Variants in PHKA2 observed in about 807,000 individuals in gnomAD.
PHKA2 encodes the protein phosphorylase kinase regulatory subunit alpha 2, also known as phosphorylase b kinase regulatory subunit alpha, liver isoform.
Under a neutral mutation model 102.0 loss-of-function variants are expected in PHKA2, and 31 were observed. That is an observed-to-expected ratio of 0.30 (90% CI 0.23 to 0.41). The LOEUF (loss-of-function observed/expected upper bound fraction) is 0.41. Among genes scored for constraint, PHKA2 ranks in the 10% least tolerant of loss-of-function variants. The probability of loss-of-function intolerance (pLI) is 1.00; values close to 1 mark genes in which losing one functional copy is unlikely to be tolerated. For synonymous variants in PHKA2, 455 were observed against 416.2 expected (o/e 1.09, Z -1.13); for missense variants, 858 against 1,023.1 (o/e 0.84, Z 2.20).
At chrX:18,966,667 G>A (rs2048949639) in intron 1 of PHKA2, among the ~76,000 whole-genome samples, 1 of 112,225 alleles carries the variant, frequency 8.9e-6, no homozygotes, top group Admixed American at 9.4e-5. Context: ...GCAGGGCCCT[G>A]GGTTATCCCA....
intron 5 of PHKA2, among the ~76,000 whole-genome samples, chrX:18,946,436 G>C (rs763582994): frequency 1.8e-5 from 2 of 110,731 alleles, no homozygotes; most frequent in South Asian, 7.7e-4. Flanking sequence ...CTTGTTTCAG[G>C]GTCTAAAATG....
chrX:18,982,227 G>C (rs2093450222), intron 1 of PHKA2, among the ~76,000 whole-genome samples: 1 of 111,591 alleles, frequency 9.0e-6, no homozygotes, highest in African/African-American at 3.3e-5. Flanking sequence ...TCAAAATAAA[G>C]ACCATCATCC....
chrX:18,899,300 G>T, intron 28 of PHKA2, 74 bp from the exon 29 acceptor site: 1 of 879,280 alleles, frequency 1.1e-6, no homozygotes, highest in Non-Finnish European at 1.7e-6. Flanking sequence ...GGGTCATGGA[G>T]CAGCATCCGA....
At chrX:18,973,062 G>C (rs1601803393) in intron 1 of PHKA2, among the ~76,000 whole-genome samples, 1 of 111,016 alleles carries the variant, frequency 9.0e-6, no homozygotes, top group East Asian at 2.8e-4. Context: ...GAGTGCAGTA[G>C]CATGATCTTG....
chrX:18,970,229 CCT>C (rs2049001894), intron 1 of PHKA2, among the ~76,000 whole-genome samples: 1 of 111,667 alleles, frequency 9.0e-6, no homozygotes, highest in Non-Finnish European at 1.9e-5. Context: ...ACAGTGATAC[CCT>C]GTCTCATAAA....
chrX:18,969,518 GT>G (rs765994843), intron 1 of PHKA2, among the ~76,000 whole-genome samples: 6 of 106,955 alleles, frequency 5.6e-5, no homozygotes, highest in South Asian at 8.0e-4. Flanking sequence ...AAATGCAATT[GT>G]TTTTTTTTTC....
chrX:18,914,117 C>T (rs185440999), intron 19 of PHKA2, among the ~76,000 whole-genome samples: 62 of 112,589 alleles, frequency 5.5e-4, no homozygotes, highest in African/African-American at 1.8e-3. Flanking sequence ...TTTACTGATA[C>T]TGGCATCGCC....
chrX:18,897,219 C>A lies in PHKA2; in HGVS notation c.3226G>T (p.Ala1076Ser), dbSNP rs1315160733. 8.3e-7 allele frequency: 1 copy of A among 1,211,078 alleles called. No homozygotes were observed. Among genetic ancestry groups the A allele is most frequent in the Admixed American group, 2.2e-5 (1 of 46,053 alleles). ...AATCCCACGGGGACCCTGTTGATGG[C>A]CCCATCCAGCCTTCTCCTGCGCAGC... Reference protein sequence around the residue: ...QWLRRRRLDGAINRVPVGFYQ... With the variant: ...QWLRRRRLDGSINRVPVGFYQ... Residue 1076 changes from alanine (A) to serine (S), a missense_variant, in exon 30 of 33, where the codon GCC becomes TCC. By Grantham distance (99) the Ala-to-Ser change is moderately conservative. Around this residue, in one of 2 missense-constraint regions of PHKA2, gnomAD observed 671 missense variants for 745.2 expected, o/e 0.90. Transcript: ENST00000379942.
At chrX:18,928,928 T>G (rs1353576272) in intron 13 of PHKA2, among the ~76,000 whole-genome samples, 1 of 112,812 alleles carries the variant, frequency 8.9e-6, no homozygotes, top group Non-Finnish European at 1.9e-5. Flanking sequence ...TTAGGCTCTA[T>G]TTTTCAAAGA....
intron 26 of PHKA2, among the ~76,000 whole-genome samples, chrX:18,904,976 A>T (rs971854405): frequency 4.5e-5 from 5 of 111,861 alleles, no homozygotes; most frequent in African/African-American, 9.7e-5. Flanking sequence ...CGGTTCAGAT[A>T]AAAACAGAGT....
intron 26 of PHKA2, among the ~76,000 whole-genome samples, chrX:18,902,149 TTA>T (rs1219827488): frequency 1.0e-4 from 11 of 108,265 alleles, no homozygotes; most frequent in Non-Finnish European, 1.7e-4. Flanking sequence ...CCATGTTTTT[TTA>T]TTTTTTTTGA....
intron 15 of PHKA2, among the ~76,000 whole-genome samples, chrX:18,925,345 G>A (rs1752539474): frequency 1.8e-5 from 2 of 112,521 alleles, no homozygotes; most frequent in African/African-American, 6.5e-5. Flanking sequence ...TTACACAGAG[G>A]GTCTGATGAC....
chrX:18,975,554 C>T (rs2049077101), intron 1 of PHKA2, among the ~76,000 whole-genome samples: 1 of 112,376 alleles, frequency 8.9e-6, no homozygotes, highest in African/African-American at 3.2e-5. Context: ...AAAACTCTAT[C>T]TTCCACCCTA....
chrX:18,925,826 C>G, intron 14 of PHKA2, 49 bp from the exon 15 acceptor site: 1 of 864,004 alleles, frequency 1.2e-6, no homozygotes, highest in Middle Eastern at 3.5e-4. Flanking sequence ...ATACGGTTAA[C>G]AAGTAATCCA....
At chrX:18,940,416 A>G (rs2048472744) in intron 8 of PHKA2, among the ~76,000 whole-genome samples, 1 of 111,902 alleles carries the variant, frequency 8.9e-6, no homozygotes, top group African/African-American at 3.2e-5. Context: ...CCTACTTGCA[A>G]GATTGGAAAG....
chrX:18,934,331 A>G (rs1159336716), intron 11 of PHKA2, among the ~76,000 whole-genome samples: 3 of 112,163 alleles, frequency 2.7e-5, no homozygotes, highest in Non-Finnish European at 5.6e-5. Flanking sequence ...GTTCCTCTCC[A>G]AAGTCTGGCC....
At position 18,898,078 on chromosome X, in the gene PHKA2, T is replaced by C. The variant is rs147221978; in HGVS notation, c.3112-745A>G. ...GACAAACAGTGAAGCCCGCGTTTAG[T>C]GGCGAGGACCTCGCAGATCAGGGTC... On this transcript the variant is annotated intron_variant, in intron 29 of 32. Coordinates refer to ENST00000379942, the MANE Select transcript of PHKA2 (RefSeq NM_000292.3). 780 of 112,924 alleles carry C rather than the reference T, an allele frequency of 6.9e-3. 1 individual carries two copies. Among genetic ancestry groups the C allele is most frequent in the South Asian group, 0.018 (48 of 2,701 alleles). The allele number at this position is 112,924 out of a possible 1,213,427, so 9.3% of individuals were successfully genotyped here. A position where few individuals can be genotyped will look rare whatever the true frequency, so the allele number is the denominator to read the frequency against.
intron 17 of PHKA2, among the ~76,000 whole-genome samples, chrX:18,922,958 A>G (rs2048148153): frequency 9.1e-6 from 1 of 109,999 alleles, no homozygotes; most frequent in South Asian, 3.9e-4. Flanking sequence ...CAAAAGTTTT[A>G]GCAACTGGAA....
At chrX:18,930,678 G>A (rs1470447269) in intron 12 of PHKA2, among the ~76,000 whole-genome samples, 1 of 111,215 alleles carries the variant, frequency 9.0e-6, no homozygotes, top group South Asian at 3.8e-4. Context: ...AGATATATGC[G>A]TTTTCCCTAC....
Sources: allele counts gnomAD v4.1 joint callset (sites outside exome capture counted in the v4.1 genomes callset), GRCh38; gene constraint gnomAD v4.1.1; regional missense constraint gnomAD v4.1.1; transcripts MANE v1.5; gene names NCBI Gene and HGNC (gene_info 2026-07-23, HGNC 2026-07-21).